PKN2: variants seen among roughly 807,000 people sequenced by gnomAD.
PKN2 encodes the protein protein kinase N2, also known as serine/threonine-protein kinase N2.
A neutral mutation model predicts 119.1 loss-of-function variants in PKN2; 38 were observed. That is an observed-to-expected ratio of 0.32 (90% confidence interval 0.25 to 0.42). The LOEUF is 0.42. PKN2 is among the 10% of genes least tolerant of loss of function. PKN2 has a pLI of 1.00. For missense variants in PKN2, 850 were observed against 1,165.1 expected (o/e 0.73, Z 3.94); for synonymous variants, 390 against 384.9 (o/e 1.01, Z -0.15).
Position 88,684,371 on chromosome 1 carries a change from C to G in PKN2, c.-210C>G. 1 of 489,402 alleles carries G rather than the reference C, an allele frequency of 2.0e-6. No homozygotes were observed. The highest frequency in any genetic ancestry group is 3.6e-6 in the Non-Finnish European group (1 of 276,604). The allele number at this position is 489,402 out of a possible 1,614,324, so 30.3% of individuals were successfully genotyped here. A position where few individuals can be genotyped will look rare whatever the true frequency, so the allele number is the denominator to read the frequency against. On this transcript the variant is annotated 5_prime_UTR_variant, in exon 1 of 22. Coordinates refer to ENST00000370521, the MANE Select transcript of PKN2 (RefSeq NM_006256.4). Reference sequence around the variant, plus strand: ...GTCCGGTGAGGGCGGCGAGAGGAAGCCCGCTACGAGTGCCCTAGCTCCCCG... The same window carrying G: ...GTCCGGTGAGGGCGGCGAGAGGAAGGCCGCTACGAGTGCCCTAGCTCCCCG...
At position 88,833,283 on chromosome 1, in the gene PKN2, G is replaced by C; in HGVS notation, c.2790G>C (p.Lys930Asn). ...GCGCTCTGATGGACAAAAAAGTAAAGCCACCATTTATACCTACCATAAGAG... is the reference window on the plus strand; with the variant it reads ...GCGCTCTGATGGACAAAAAAGTAAACCCACCATTTATACCTACCATAAGAG... ...DWSALMDKKVKPPFIPTIRGR... is the reference protein window; with the variant it reads ...DWSALMDKKVNPPFIPTIRGR... Residue 930 changes from lysine (K) to asparagine (N), a missense_variant, in exon 22 of 22, where the codon AAG becomes AAC. By Grantham distance (94) the Lys-to-Asn change is moderately conservative (BLOSUM62 0). This residue lies in a region of PKN2 where 95 missense variants were observed against 150.2 expected (regional missense o/e 0.63). Transcript: ENST00000370521. The C allele has an allele frequency of 1.2e-6, 2 of 1,613,316 alleles. No homozygotes were observed. Among genetic ancestry groups the C allele is most frequent in the Non-Finnish European group, 1.7e-6 (2 of 1,179,462 alleles).
rs2100940369 is a variant in PKN2, at chr1:88,833,133, T to C, written c.2727T>C (p.Asp909=). The C allele has an allele frequency of 6.2e-7, 1 of 1,613,102 alleles. No homozygotes were observed. Among genetic ancestry groups the C allele is most frequent in the Non-Finnish European group, 8.5e-7 (1 of 1,179,434 alleles). Residue 909 remains aspartate (D), a synonymous_variant, in exon 21 of 22, where the codon GAT becomes GAC. Coordinates refer to ENST00000370521, the MANE Select transcript of PKN2 (RefSeq NM_006256.4). ...GGGCTAGCGAGAAAGATGCAGAGGATGTAAAAAAGCACCCATTTTTCCGGG... is the reference window on the plus strand; with the variant it reads ...GGGCTAGCGAGAAAGATGCAGAGGACGTAAAAAAGCACCCATTTTTCCGGG... ...RLGASEKDAE[D]VKKHPFFRLI...
chr1:88,778,143 T>C (rs1054245379), intron 6 of PKN2, among the ~76,000 whole-genome samples: 3 of 152,206 alleles, frequency 2.0e-5, no homozygotes, highest in Non-Finnish European at 2.9e-5. Context: ...ATGGCTTATG[T>C]CTCCCTAAAA....
At chr1:88,687,056 A>T (rs1274440770) in intron 1 of PKN2, among the ~76,000 whole-genome samples, 1 of 152,126 alleles carries the variant, frequency 6.6e-6, no homozygotes, top group Non-Finnish European at 1.5e-5. Flanking sequence ...AATAAAATTG[A>T]TATTTATTTA....
At chr1:88,786,264 G>A (rs749922899) in intron 8 of PKN2, 51 bp downstream of exon 8, 7 of 940,868 alleles carry the variant, frequency 7.4e-6, no homozygotes, top group African/African-American at 1.7e-5. Flanking sequence ...CATTTTAAAT[G>A]TGAGTTATAT....
intron 1 of PKN2, among the ~76,000 whole-genome samples, chr1:88,685,731 GCA>G (rs1263283893): frequency 6.6e-6 from 1 of 152,092 alleles, no homozygotes. Flanking sequence ...TAGCATGCCT[GCA>G]TTTCTTTTTG....
intron 1 of PKN2, among the ~76,000 whole-genome samples, chr1:88,737,612 A>G (rs1668406273): frequency 6.6e-6 from 1 of 152,144 alleles, no homozygotes; most frequent in Non-Finnish European, 1.5e-5. Context: ...GCTTGAGGCT[A>G]CTGTAGATGC....
At chr1:88,756,658 C>T (rs959080491) in intron 2 of PKN2, among the ~76,000 whole-genome samples, 2 of 152,116 alleles carry the variant, frequency 1.3e-5, no homozygotes, top group South Asian at 4.1e-4. Flanking sequence ...ACACTTCTTA[C>T]AAGATTCTGA....
chr1:88,730,226 C>T (rs778770361), intron 1 of PKN2, among the ~76,000 whole-genome samples: 3 of 151,822 alleles, frequency 2.0e-5, no homozygotes, highest in Non-Finnish European at 2.9e-5. Flanking sequence ...TTGCCTTAAC[C>T]AAATAGGGAT....
rs1252240476 is a variant in PKN2, at chr1:88,684,567, C to T, written c.-14C>T. 15 of 1,549,392 alleles carry T rather than the reference C, an allele frequency of 9.7e-6. No individual in the cohort carries two copies. The highest frequency in any genetic ancestry group is 1.3e-5 in the Non-Finnish European group (15 of 1,147,880). On this transcript the variant is annotated 5_prime_UTR_variant, in exon 1 of 22. Coordinates refer to ENST00000370521, the MANE Select transcript of PKN2 (RefSeq NM_006256.4). The stretch of plus-strand genomic sequence containing the variant: ...GGCGGCCGCGTCCAGGTGCGGAGTC[C>T]ATACCGGAGCGCAATGGCGTCCAAC...
intron 1 of PKN2, among the ~76,000 whole-genome samples, chr1:88,691,946 A>G (rs1666353195): frequency 6.6e-6 from 1 of 151,880 alleles, no homozygotes; most frequent in Non-Finnish European, 1.5e-5. Context: ...TAGCATAAGT[A>G]TGTATGTTAA....
intron 3 of PKN2, among the ~76,000 whole-genome samples, chr1:88,764,673 A>C (rs547646219): frequency 8.5e-5 from 13 of 152,292 alleles, no homozygotes; most frequent in African/African-American, 3.1e-4. Context: ...GTGTACTATA[A>C]TTATTTTCAT....
chr1:88,786,043 G>A, intron 7 of PKN2, 61 bp from the exon 8 acceptor site: 2 of 947,386 alleles, frequency 2.1e-6, no homozygotes, highest in Non-Finnish European at 1.7e-6. Context: ...TCAAACAGCA[G>A]TACTTCTGTT....
rs377595315 is a variant in PKN2, at chr1:88,832,740, C to T, written c.2563-4C>T. 2 of 1,536,762 alleles carry T rather than the reference C, an allele frequency of 1.3e-6. No homozygotes were observed. The highest frequency in any genetic ancestry group is 1.8e-6 in the Non-Finnish European group (2 of 1,120,254). On this transcript the variant is annotated splice_polypyrimidine_tract_variant and splice_region_variant and intron_variant, in intron 19 of 21. Coordinates refer to ENST00000370521, the MANE Select transcript of PKN2 (RefSeq NM_006256.4). The stretch of plus-strand genomic sequence containing the variant: ...TTTAACTTACTCAAAGGTATTTCTT[C>T]TAGTCTCCCTTTCCTGGTGATGATG...
intron 16 of PKN2, among the ~76,000 whole-genome samples, chr1:88,820,853 T>G (rs948430846): frequency 6.6e-6 from 1 of 152,178 alleles, no homozygotes. Context: ...TGAAGACATT[T>G]GCATTTTTAA....
chr1:88,804,638 C>T (rs1243664783), intron 9 of PKN2, 104 bp downstream of exon 9: 1 of 1,154,336 alleles, frequency 8.7e-7, no homozygotes, highest in Non-Finnish European at 1.3e-6. Flanking sequence ...AGACAGATGA[C>T]TTGAGTTCTT....
intron 17 of PKN2, 73 bp from the exon 18 acceptor site, chr1:88,824,236 TA>T (rs551073035): frequency 1.3e-5 from 10 of 744,882 alleles, no homozygotes; most frequent in African/African-American, 1.1e-4. Flanking sequence ...CAATTGCAAT[TA>T]TTTTTTTAAC....
intron 2 of PKN2, among the ~76,000 whole-genome samples, chr1:88,756,028 C>T (rs985753797): frequency 1.3e-5 from 2 of 151,746 alleles, no homozygotes; most frequent in African/African-American, 4.8e-5. Flanking sequence ...TTCTCCTGCT[C>T]AGCCTCCCTA....
chr1:88,693,861 A>G (rs556992089), intron 1 of PKN2, among the ~76,000 whole-genome samples: 4 of 151,184 alleles, frequency 2.6e-5, no homozygotes, highest in Admixed American at 2.0e-4. Flanking sequence ...CTTTTAAATA[A>G]ATTATTCCCT....
Sources: gnomAD v4.1 joint callset for allele counts (sites outside exome capture counted in the v4.1 genomes callset) on GRCh38, gnomAD v4.1.1 for gene constraint, gnomAD v4.1.1 regional missense constraint, MANE v1.5 for transcripts, NCBI Gene and HGNC (gene_info 2026-07-23, HGNC 2026-07-21) for gene names.